ANKS1B: variants seen among roughly 807,000 people sequenced by gnomAD.
The protein encoded by ANKS1B is ankyrin repeat and sterile alpha motif domain containing 1B.
In ANKS1B, 36 loss-of-function variants were observed where a neutral mutation model predicts 148.3. The ratio of observed to expected loss-of-function variants is 0.24; its 90% CI spans 0.19 to 0.32. The LOEUF (loss-of-function observed/expected upper bound fraction) is 0.32, where lower values mean the gene tolerates loss of function less well. Ranked by LOEUF, ANKS1B falls within the 10% of genes least tolerant of loss-of-function variation. ANKS1B has a pLI of 1.00. For synonymous variants in ANKS1B, 542 were observed against 560.8 expected, an observed-to-expected ratio of 0.97 and a Z score of 0.47; for missense variants, 1,157 against 1,542.6, an observed-to-expected ratio of 0.75 and a Z score of 4.19.
At chr12:98,822,632 C>T (rs752541200) in intron 19 of ANKS1B, among the ~76,000 whole-genome samples, 2 of 152,160 alleles carry the variant, frequency 1.3e-5, no homozygotes, top group South Asian at 4.2e-4. Context: ...TTTTTTAAAT[C>T]CATGGTCTGG....
chr12:99,435,169 A>G (rs538320126), intron 11 of ANKS1B, among the ~76,000 whole-genome samples: 13 of 152,198 alleles, frequency 8.5e-5, no homozygotes, highest in African/African-American at 3.1e-4. Flanking sequence ...TACAATGTAC[A>G]GTGGTTGTTT....
At chr12:99,286,906 T>TA (rs2079197899) in intron 12 of ANKS1B, among the ~76,000 whole-genome samples, 1 of 152,192 alleles carries the variant, frequency 6.6e-6, no homozygotes, top group South Asian at 2.1e-4. Context: ...AGTAGATTCT[T>TA]ACGTTTCCTA....
At chr12:99,296,785 T>A (rs1766055661) in intron 12 of ANKS1B, among the ~76,000 whole-genome samples, 1 of 152,186 alleles carries the variant, frequency 6.6e-6, no homozygotes, top group Non-Finnish European at 1.5e-5. Flanking sequence ...TAAATATTTG[T>A]CGAATGATTG....
At chr12:99,163,053 G>GT (rs1471503725) in intron 14 of ANKS1B, among the ~76,000 whole-genome samples, 1 of 147,784 alleles carries the variant, frequency 6.8e-6, no homozygotes, top group Non-Finnish European at 1.5e-5. Context: ...GCGAGACTCT[G>GT]TCAAAAAAAA....
At chr12:98,803,731 G>A (rs1232319234) in intron 20 of ANKS1B, among the ~76,000 whole-genome samples, 1 of 152,152 alleles carries the variant, frequency 6.6e-6, no homozygotes, top group Non-Finnish European at 1.5e-5. Context: ...ATGAGTTGGG[G>A]GAAGCTAGGG....
chr12:99,881,559 GA>G (rs2092491416), intron 1 of ANKS1B, among the ~76,000 whole-genome samples: 1 of 152,318 alleles, frequency 6.6e-6, no homozygotes, highest in African/African-American at 2.4e-5. Flanking sequence ...ATATTGCGGA[GA>G]AAGGGTTGGG....
At chr12:99,669,731 G>A (rs2098527602) in intron 8 of ANKS1B, among the ~76,000 whole-genome samples, 1 of 152,078 alleles carries the variant, frequency 6.6e-6, no homozygotes, top group Admixed American at 6.6e-5. Context: ...ATAACTTTAG[G>A]TTGTTTTCTG....
chr12:99,406,255 T>C lies in ANKS1B; in HGVS notation c.1576-6444A>G, dbSNP rs1259198036. On this transcript the variant is annotated intron_variant, in intron 11 of 26. Transcript: ENST00000683438. The stretch of plus-strand genomic sequence containing the variant: ...TTAGTACATGAATAATTCTCAAAGA[T>C]AGACCATTTGTTAGGTCACGAAACA... Among the ~76,000 whole-genome samples the C allele has an allele frequency of 3.4e-5, 5 of 145,624 alleles. 2 individuals are homozygous for C. The highest frequency in any genetic ancestry group is 7.8e-5 in the African/African-American group (3 of 38,442).
intron 17 of ANKS1B, among the ~76,000 whole-genome samples, chr12:98,934,183 C>T (rs2099816365): frequency 6.6e-6 from 1 of 152,034 alleles, no homozygotes; most frequent in African/African-American, 2.4e-5. Context: ...TTTGTGTATG[C>T]CATAAGGTCC....
At chr12:99,520,219 A>G (rs968654815) in intron 9 of ANKS1B, among the ~76,000 whole-genome samples, 1 of 152,142 alleles carries the variant, frequency 6.6e-6, no homozygotes, top group Admixed American at 6.6e-5. Flanking sequence ...CTTCTTTCAG[A>G]TTTAAGAACT....
chr12:99,099,429 GGA>G (rs1444901769), intron 15 of ANKS1B, among the ~76,000 whole-genome samples: 1 of 152,244 alleles, frequency 6.6e-6, no homozygotes, highest in African/African-American at 2.4e-5. Context: ...GTGGTAGTCA[GGA>G]GAGTGTTGGG....
At chr12:99,466,855 G>A (rs556802574) in intron 10 of ANKS1B, among the ~76,000 whole-genome samples, 4 of 151,966 alleles carry the variant, frequency 2.6e-5, no homozygotes, top group African/African-American at 9.7e-5. Flanking sequence ...AATTCTACCA[G>A]AGGTACAAGG....
intron 12 of ANKS1B, among the ~76,000 whole-genome samples, chr12:99,327,695 T>G (rs1293863331): frequency 6.7e-6 from 1 of 150,118 alleles, no homozygotes; most frequent in African/African-American, 2.4e-5. Flanking sequence ...AAAGTCGGTT[T>G]TCTTTTTCCA....
intron 9 of ANKS1B, among the ~76,000 whole-genome samples, chr12:99,604,501 T>C (rs1192141199): frequency 6.6e-6 from 1 of 152,030 alleles, no homozygotes; most frequent in African/African-American, 2.4e-5. Context: ...TGGATATTTA[T>C]TAATCAAAAT....
chr12:99,031,392 A>C (rs1261314858), intron 17 of ANKS1B, among the ~76,000 whole-genome samples: 4 of 152,182 alleles, frequency 2.6e-5, no homozygotes, highest in African/African-American at 9.7e-5. Flanking sequence ...AGATGTTACC[A>C]GTTGGCCAGT....
intron 10 of ANKS1B, among the ~76,000 whole-genome samples, chr12:99,482,411 T>C (rs1457673981): frequency 1.3e-5 from 2 of 152,114 alleles, no homozygotes; most frequent in Non-Finnish European, 2.9e-5. Context: ...ACCAGTATCA[T>C]GCTGTTTTGG....
chr12:99,807,296 C>A (rs1219491782), intron 3 of ANKS1B, among the ~76,000 whole-genome samples: 1 of 152,054 alleles, frequency 6.6e-6, no homozygotes, highest in South Asian at 2.1e-4. Context: ...TAGATCAGTT[C>A]CCAGACAAGT....
At chr12:99,933,172 T>C (rs1219808029) in intron 1 of ANKS1B, among the ~76,000 whole-genome samples, 2 of 152,188 alleles carry the variant, frequency 1.3e-5, no homozygotes, top group East Asian at 1.9e-4. Context: ...AGCTCTGTAG[T>C]ATAATTTGAA....
intron 10 of ANKS1B, among the ~76,000 whole-genome samples, chr12:99,493,136 T>C (rs78097173): frequency 0.017 from 2,542 of 152,258 alleles, 66 homozygotes; most frequent in African/African-American, 0.057. Context: ...TTCAGGAGCA[T>C]TGAAAATAAC....
Sources: allele counts gnomAD v4.1 joint callset (sites outside exome capture counted in the v4.1 genomes callset), GRCh38; gene constraint gnomAD v4.1.1; transcripts MANE v1.5; gene names NCBI Gene and HGNC (gene_info 2026-07-23, HGNC 2026-07-21).